Variants in RSPH14 observed in about 807,000 individuals in gnomAD.
RSPH14 encodes radial spoke head 14 homolog.
In RSPH14, 20 loss-of-function variants were observed where a neutral mutation model predicts 26.7. The observed-to-expected ratio is 0.75, with a 90% CI of 0.53 to 1.09. The LOEUF is 1.09. RSPH14 is among the 50% of genes least tolerant of loss of function. The pLI is 0.00. For synonymous variants in RSPH14, 177 were observed against 189.3 expected, an observed-to-expected ratio of 0.93 and a Z score of 0.53; for missense variants, 449 against 457.2, an observed-to-expected ratio of 0.98 and a Z score of 0.16.
intron 4 of RSPH14, chr22:23,123,300 C>T (rs775149885): frequency 1.9e-6 from 3 of 1,613,446 alleles, no homozygotes; most frequent in Admixed American, 1.7e-5. Flanking sequence ...AGACCTGAAC[C>T]GCAACAAGGA....
chr22:23,099,905 A>T (rs1174098821), intron 4 of RSPH14, among the ~76,000 whole-genome samples: 1 of 152,258 alleles, frequency 6.6e-6, no homozygotes, highest in African/African-American at 2.4e-5. Context: ...CTTGTTGCCC[A>T]ACCTCTGCCC....
intron 4 of RSPH14, among the ~76,000 whole-genome samples, chr22:23,106,366 T>G (rs2069476879): frequency 6.6e-6 from 1 of 152,142 alleles, no homozygotes; most frequent in Admixed American, 6.5e-5. Flanking sequence ...CACACAGACT[T>G]CTGGGAGAGC....
At chr22:23,097,295 C>T (rs369818600) in intron 4 of RSPH14, among the ~76,000 whole-genome samples, 139 of 152,344 alleles carry the variant, frequency 9.1e-4, no homozygotes, top group African/African-American at 3.2e-3. Context: ...TCCGAGGTCA[C>T]TCCTTGCTTC....
At position 23,076,363 on chromosome 22, in the gene RSPH14, G is replaced by A. The variant is rs1055177898; in HGVS notation, c.422-12230C>T. Among the ~76,000 whole-genome samples the A allele has an allele frequency of 2.6e-5, 4 of 152,144 alleles. No individual in the cohort carries two copies. The South Asian group carries it at 6.2e-4, about 24-fold the overall frequency. On this transcript the variant is annotated intron_variant, in intron 4 of 6. Transcript: ENST00000216036. ...GTCGCTGTGGAGGGACTGAATATTC[G>A]CAGACAGTCATGCCTCAGTGGCCCT... is the stretch of plus-strand genomic sequence containing the variant.
chr22:23,082,075 A>G, intron 4 of RSPH14, among the ~76,000 whole-genome samples: 1 of 146,750 alleles, frequency 6.8e-6, no homozygotes, highest in Middle Eastern at 3.5e-3. Flanking sequence ...CAGTGAGCCG[A>G]GATCGTGCCG....
chr22:23,066,222 G>A (rs1323428245), intron 4 of RSPH14, among the ~76,000 whole-genome samples: 2 of 152,230 alleles, frequency 1.3e-5, no homozygotes, highest in South Asian at 2.1e-4. Flanking sequence ...TTGTAGCCTC[G>A]TCTCACCTAT....
At chr22:23,075,215 C>T (rs2068479583) in intron 4 of RSPH14, among the ~76,000 whole-genome samples, 1 of 152,166 alleles carries the variant, frequency 6.6e-6, no homozygotes, top group African/African-American at 2.4e-5. Flanking sequence ...TCCTCCCTTC[C>T]CTGAGTGGGC....
At chr22:23,114,470 C>T (rs547845302) in intron 4 of RSPH14, among the ~76,000 whole-genome samples, 8 of 152,312 alleles carry the variant, frequency 5.3e-5, no homozygotes, top group South Asian at 4.1e-4. Context: ...GCCTTCCCTT[C>T]CCCTCAGCCC....
At chr22:23,114,226 G>A (rs1388214794) in intron 4 of RSPH14, among the ~76,000 whole-genome samples, 5 of 152,140 alleles carry the variant, frequency 3.3e-5, no homozygotes, top group African/African-American at 2.4e-5. Flanking sequence ...CTACAACCCC[G>A]CCCCACAGCT....
Position 23,071,286 on chromosome 22 carries a change from C to A in RSPH14, c.422-7153G>T, listed in dbSNP as rs888037709. Among the ~76,000 whole-genome samples the A allele has an allele frequency of 2.6e-5, 4 of 152,158 alleles. No homozygotes were observed. The highest frequency in any genetic ancestry group is 5.9e-5 in the Non-Finnish European group (4 of 68,026). ...CTGCGGGCGATCCGAGGGGGCTCTG[C>A]CTTTAGGGCGGTGCTGAGCCTTCCT... On this transcript the variant is annotated intron_variant, in intron 4 of 6. Coordinates refer to ENST00000216036, the MANE Select transcript of RSPH14 (RefSeq NM_014433.3). The surrounding 1 kb of genome is among the most constrained non-coding windows in gnomAD (Gnocchi z 4.1).
intron 2 of RSPH14, among the ~76,000 whole-genome samples, chr22:23,139,362 T>G (rs900394900): frequency 6.6e-6 from 1 of 152,286 alleles, no homozygotes; most frequent in Non-Finnish European, 1.5e-5. Context: ...GGCTTACGCC[T>G]GTAATCCCAG....
intron 4 of RSPH14, among the ~76,000 whole-genome samples, chr22:23,111,524 G>C (rs760357900): frequency 4.6e-5 from 7 of 152,230 alleles, no homozygotes; most frequent in Non-Finnish European, 1.0e-4. Flanking sequence ...GTGAGGCTCA[G>C]GCCATTGCCA....
chr22:23,111,803 A>T (rs1015237942), intron 4 of RSPH14, among the ~76,000 whole-genome samples: 1 of 152,166 alleles, frequency 6.6e-6, no homozygotes, highest in Non-Finnish European at 1.5e-5. Flanking sequence ...TTTGGACTTA[A>T]CCCTGTTTGT....
chr22:23,158,764 G>T, the RSPH14 span: 6 of 756,084 alleles, frequency 7.9e-6, no homozygotes, highest in Non-Finnish European at 1.1e-5. Flanking sequence ...TGCTCAGCCA[G>T]TGTGGGCCAG....
At chr22:23,176,146 G>T in the RSPH14 span, among the ~76,000 whole-genome samples, 30 of 152,332 alleles carry the variant, frequency 2.0e-4, no homozygotes, top group South Asian at 5.2e-3. Context: ...GCCTGCTCAT[G>T]GATGGGCTAT....
At chr22:23,092,568 G>T (rs1220493236) in intron 4 of RSPH14, among the ~76,000 whole-genome samples, 1 of 152,204 alleles carries the variant, frequency 6.6e-6, no homozygotes, top group South Asian at 2.1e-4. Flanking sequence ...GCATGTGATT[G>T]CTACCTGGCC....
At chr22:23,159,152 A>G in the RSPH14 span, 2 of 1,610,824 alleles carry the variant, frequency 1.2e-6, no homozygotes, top group African/African-American at 1.3e-5. Context: ...AACAAGGGCC[A>G]TTTCTCCCAG....
At chr22:23,141,581 G>A (rs1461523097) in intron 1 of RSPH14, among the ~76,000 whole-genome samples, 2 of 152,200 alleles carry the variant, frequency 1.3e-5, no homozygotes, top group African/African-American at 4.8e-5. Context: ...CAGGGCTTCA[G>A]CTATGTTGGC....
intron 6 of RSPH14, among the ~76,000 whole-genome samples, 155 bp from the exon 7 acceptor site, chr22:23,059,873 C>T (rs892581579): frequency 2.6e-5 from 4 of 152,244 alleles, no homozygotes; most frequent in Admixed American, 2.0e-4. Flanking sequence ...CCTCAGGGCT[C>T]TTGCACCTTC....
Sources: allele counts gnomAD v4.1 joint callset (sites outside exome capture counted in the v4.1 genomes callset), GRCh38; gene constraint gnomAD v4.1.1; non-coding constraint Gnocchi (gnomAD v3.1); transcripts MANE v1.5; gene names NCBI Gene and HGNC (gene_info 2026-07-23, HGNC 2026-07-21).